The following FOXN3 variants were observed in gnomAD, a reference collection of about 807,000 sequenced individuals.
FOXN3 encodes the protein forkhead box protein N3.
FOXN3 carries 7 observed loss-of-function variants against 38.4 expected under a neutral mutation model. That is an observed-to-expected ratio of 0.18 (90% CI 0.10 to 0.34). FOXN3 has a LOEUF of 0.34. Ranked by LOEUF, FOXN3 falls within the 10% of genes least tolerant of loss-of-function variation. The probability of loss-of-function intolerance (pLI) is 1.00; values close to 1 mark genes in which losing one functional copy is unlikely to be tolerated. For missense variants in FOXN3, 456 were observed against 613.4 expected, an observed-to-expected ratio of 0.74 and a Z score of 2.71; for synonymous variants, 230 against 242.2, an observed-to-expected ratio of 0.95 and a Z score of 0.47.
chr14:89,234,624 T>C (rs1463270226), intron 4 of FOXN3, among the ~76,000 whole-genome samples: 1 of 151,800 alleles, frequency 6.6e-6, no homozygotes, highest in Non-Finnish European at 1.5e-5. Context: ...ATCCTCTCTC[T>C]CTCTCTCTCT....
intron 3 of FOXN3, among the ~76,000 whole-genome samples, chr14:89,349,027 T>G (rs1399961974): frequency 6.6e-6 from 1 of 152,034 alleles, no homozygotes; most frequent in African/African-American, 2.4e-5. Context: ...ACTTCTGAGG[T>G]GCAGAGTGGA....
chr14:89,593,194 A>G (rs1165243878), intron 1 of FOXN3, among the ~76,000 whole-genome samples: 1 of 125,230 alleles, frequency 8.0e-6, no homozygotes, highest in Non-Finnish European at 1.6e-5. Flanking sequence ...GGAAGGAGGG[A>G]AGGCAGGAGA....
At chr14:89,185,306 C>T (rs190057166) in intron 4 of FOXN3, among the ~76,000 whole-genome samples, 76 of 152,288 alleles carry the variant, frequency 5.0e-4, no homozygotes, top group South Asian at 1.2e-3. Context: ...GTGTCAGGAA[C>T]GTGGCTTCTG....
intron 1 of FOXN3, among the ~76,000 whole-genome samples, chr14:89,510,244 G>A (rs1014289922): frequency 1.3e-5 from 2 of 152,168 alleles, no homozygotes; most frequent in Admixed American, 6.5e-5. Flanking sequence ...TGGAACCCAC[G>A]CATGCCTCCT....
chr14:89,354,972 A>G (rs540365894), intron 2 of FOXN3: 3 of 152,228 alleles, frequency 2.0e-5, no homozygotes, highest in Admixed American at 6.5e-5. Flanking sequence ...GTGTGTATTC[A>G]CACTCACATT....
intron 1 of FOXN3, among the ~76,000 whole-genome samples, chr14:89,492,387 G>A (rs1445084276): frequency 2.0e-5 from 3 of 151,432 alleles, no homozygotes; most frequent in Non-Finnish European, 4.4e-5. Flanking sequence ...TGAAGTTGGG[G>A]GTACAAGTGG....
intron 5 of FOXN3, among the ~76,000 whole-genome samples, chr14:89,171,564 T>C (rs920407725): frequency 1.3e-5 from 2 of 152,148 alleles, no homozygotes; most frequent in Non-Finnish European, 2.9e-5. Context: ...CATAAGCAAG[T>C]ATATTCAGAA....
chr14:89,176,999 C>CTCTT (rs1384859197), intron 5 of FOXN3, among the ~76,000 whole-genome samples: 43 of 140,054 alleles, frequency 3.1e-4, no homozygotes, highest in Middle Eastern at 7.2e-3. Flanking sequence ...ATCTCTCTCT[C>CTCTT]TCTTTCTTTC....
intron 1 of FOXN3, among the ~76,000 whole-genome samples, chr14:89,433,194 AC>A (rs1022099171): frequency 1.3e-5 from 2 of 152,130 alleles, no homozygotes; most frequent in Non-Finnish European, 2.9e-5. Context: ...TACTAAAAAT[AC>A]AAAAATTGCT....
At chr14:89,525,492 C>A (rs1894415396) in intron 1 of FOXN3, among the ~76,000 whole-genome samples, 1 of 152,128 alleles carries the variant, frequency 6.6e-6, no homozygotes, top group African/African-American at 2.4e-5. Flanking sequence ...CCAGAAAACC[C>A]ATGTATAATT....
At chr14:89,433,161 C>T (rs568633128) in intron 1 of FOXN3, among the ~76,000 whole-genome samples, 101 of 152,232 alleles carry the variant, frequency 6.6e-4, no homozygotes, top group African/African-American at 2.4e-3. Context: ...ACCAGCCTGG[C>T]CAACATGGCG....
chr14:89,398,672 T>G (rs1891162656), intron 2 of FOXN3, among the ~76,000 whole-genome samples: 1 of 152,078 alleles, frequency 6.6e-6, no homozygotes, highest in African/African-American at 2.4e-5. Context: ...TATTCCAAAG[T>G]TCCATATTAC....
chr14:89,472,463 G>A (rs1000067993), intron 1 of FOXN3, among the ~76,000 whole-genome samples: 1 of 152,062 alleles, frequency 6.6e-6, no homozygotes, highest in African/African-American at 2.4e-5. Flanking sequence ...GCTCACGCCT[G>A]TAATCCCAGC....
At chr14:89,302,061 C>A (rs76638287) in intron 3 of FOXN3, among the ~76,000 whole-genome samples, 9,323 of 152,184 alleles carry the variant, frequency 0.061, 409 homozygotes, top group Non-Finnish European at 0.081. Flanking sequence ...CAGGAAAACC[C>A]AAAACGAAAT....
chr14:89,571,452 C>A (rs989621988), intron 1 of FOXN3, among the ~76,000 whole-genome samples: 1 of 149,248 alleles, frequency 6.7e-6, no homozygotes, highest in African/African-American at 2.5e-5. Context: ...GAGGTTGCAG[C>A]GAGCCGAGAT....
chr14:89,176,601 C>G (rs1425121932), intron 5 of FOXN3, among the ~76,000 whole-genome samples: 1 of 152,214 alleles, frequency 6.6e-6, no homozygotes, highest in Non-Finnish European at 1.5e-5. Context: ...CTGTGTTGTT[C>G]TAGTCTCCAC....
chr14:89,216,563 G>T (rs1884289647), intron 4 of FOXN3, among the ~76,000 whole-genome samples: 1 of 152,000 alleles, frequency 6.6e-6, no homozygotes. Flanking sequence ...CCACACTCAG[G>T]CCCCTTTTTC....
At chr14:89,461,912 A>G (rs962255565) in intron 1 of FOXN3, among the ~76,000 whole-genome samples, 1 of 152,204 alleles carries the variant, frequency 6.6e-6, no homozygotes, top group South Asian at 2.1e-4. Context: ...TCCTATCAGG[A>G]GCAGGACTGG....
At chr14:89,196,163 G>A (rs1331551961) in intron 4 of FOXN3, among the ~76,000 whole-genome samples, 3 of 152,180 alleles carry the variant, frequency 2.0e-5, no homozygotes, top group African/African-American at 7.2e-5. Context: ...TCTTAAAGAT[G>A]TTTTCAAATC....
Sources: allele counts gnomAD v4.1 joint callset (sites outside exome capture counted in the v4.1 genomes callset), GRCh38; gene constraint gnomAD v4.1.1; transcripts MANE v1.5; gene names NCBI Gene and HGNC (gene_info 2026-07-23, HGNC 2026-07-21).